The following PPP6R2 variants were observed in gnomAD, a reference collection of about 807,000 sequenced individuals.
The protein encoded by PPP6R2 is protein phosphatase 6 regulatory subunit 2.
A neutral mutation model predicts 100.2 loss-of-function variants in PPP6R2; 62 were observed. That is an observed-to-expected ratio of 0.62 (90% confidence interval 0.50 to 0.76). The LOEUF (loss-of-function observed/expected upper bound fraction) is 0.76. Among genes scored for constraint, PPP6R2 ranks in the 30% least tolerant of loss-of-function variants. PPP6R2 has a pLI of 0.00. For synonymous variants in PPP6R2, 525 were observed against 514.7 expected, an observed-to-expected ratio of 1.02 and a Z score of -0.27; for missense variants, 1,142 against 1,276.3, an observed-to-expected ratio of 0.89 and a Z score of 1.60.
intron 1 of PPP6R2, among the ~76,000 whole-genome samples, chr22:50,349,790 G>A (rs1249455991): frequency 1.3e-5 from 2 of 149,918 alleles, no homozygotes; most frequent in Admixed American, 6.7e-5. Flanking sequence ...ATTCCATTCT[G>A]GGCAACAAGA....
At chr22:50,415,072 G>A (rs2060337651) in intron 5 of PPP6R2, among the ~76,000 whole-genome samples, 3 of 152,204 alleles carry the variant, frequency 2.0e-5, no homozygotes, top group Admixed American at 6.5e-5. Flanking sequence ...GGAGAGCCCC[G>A]GTGGACAGCA....
chr22:50,374,982 C>T (rs1213594835), intron 2 of PPP6R2, among the ~76,000 whole-genome samples: 1 of 149,448 alleles, frequency 6.7e-6, no homozygotes, highest in Non-Finnish European at 1.5e-5. Flanking sequence ...TCGTATAGCA[C>T]CAAAGACAAA....
rs375005364 is a variant in PPP6R2 at position 50,432,240 on chromosome 22, G to A, written c.1336-25G>A. 6.3e-5 allele frequency: 98 copies of A among 1,546,914 alleles called. No individual in the cohort carries two copies. In the African/African-American group the frequency reaches 7.1e-4, roughly 11 times the overall value. ...GTGCCGCCTTCAGACCCTGACTCACGCTGTCCCCCTGCCCCGCCCCCCAGC... is the reference window on the plus strand; with the variant it reads ...GTGCCGCCTTCAGACCCTGACTCACACTGTCCCCCTGCCCCGCCCCCCAGC... On this transcript the variant is annotated intron_variant, in intron 11 of 23. Transcript: ENST00000612753.
Position 50,393,907 on chromosome 22 carries a change from C to T in PPP6R2, c.-2C>T, listed in dbSNP as rs768120580. On this transcript the variant is annotated 5_prime_UTR_variant, in exon 3 of 24. It adds an upstream start codon to the 5' untranslated region. Transcript: ENST00000612753. ...CTCGTTTGCAGCTCTGCGGCCGTCACGATGTTCTGGAAGTTTGACTTGAAC... is the reference window on the plus strand; with the variant it reads ...CTCGTTTGCAGCTCTGCGGCCGTCATGATGTTCTGGAAGTTTGACTTGAAC... 3.1e-6 allele frequency: 5 copies of T among 1,614,160 alleles called. No homozygotes were observed. The highest frequency in any genetic ancestry group is 4.5e-5 in the East Asian group (2 of 44,884).
the PPP6R2 span, among the ~76,000 whole-genome samples, chr22:50,337,109 A>AGT: frequency 0.061 from 8,938 of 147,504 alleles, 622 homozygotes; most frequent in African/African-American, 0.18. Flanking sequence ...TGATGAAGAG[A>AGT]GTGTGTGTGT....
intron 3 of PPP6R2, among the ~76,000 whole-genome samples, chr22:50,394,994 T>G (rs1480195559): frequency 6.6e-6 from 1 of 151,838 alleles, no homozygotes. Flanking sequence ...TTTAGGTTGG[T>G]ACACGTCAGA....
At chr22:50,343,012 G>T (rs1179903026), upstream of PPP6R2, among the ~76,000 whole-genome samples, 1 of 152,210 alleles carries the variant, frequency 6.6e-6, no homozygotes, top group African/African-American at 2.4e-5. Flanking sequence ...TCTCTCAAAT[G>T]CTGCGTCGGG....
At chr22:50,366,296 A>G (rs1426258535) in intron 1 of PPP6R2, among the ~76,000 whole-genome samples, 1 of 148,906 alleles carries the variant, frequency 6.7e-6, no homozygotes, top group Non-Finnish European at 1.5e-5. Context: ...AGCTTTGAGG[A>G]TTGTTCCCTC....
Position 50,372,131 on chromosome 22 carries a change from A to G in PPP6R2, c.-36A>G, listed in dbSNP as rs963037402. 1.3e-5 allele frequency: 2 copies of G among 152,214 alleles called. No homozygotes were observed. The highest frequency in any genetic ancestry group is 2.9e-5 in the Non-Finnish European group (2 of 68,034). The allele number at this position is 152,214 out of a possible 1,614,324, so 9.4% of individuals were successfully genotyped here. On this transcript the variant is annotated 5_prime_UTR_variant, in exon 2 of 24. Transcript: ENST00000612753. The stretch of plus-strand genomic sequence containing the variant: ...TGTTTTGCCTGAATACATGATTTAA[A>G]CAAGAGATTTCCACAGAAGGTAAGA...
At chr22:50,400,140 C>G (rs2057779970) in intron 3 of PPP6R2, among the ~76,000 whole-genome samples, 1 of 152,236 alleles carries the variant, frequency 6.6e-6, no homozygotes, top group South Asian at 2.1e-4. Context: ...GGAAGCACCC[C>G]CTGCCGCAGA....
intron 4 of PPP6R2, among the ~76,000 whole-genome samples, chr22:50,411,833 C>G (rs2059788905): frequency 1.3e-5 from 2 of 152,014 alleles, no homozygotes; most frequent in South Asian, 4.1e-4. Flanking sequence ...ATCACAAGGT[C>G]AGGAGATCGA....
At chr22:50,377,443 C>CGAT (rs1569334494) in intron 2 of PPP6R2, among the ~76,000 whole-genome samples, 13 of 135,796 alleles carry the variant, frequency 9.6e-5, no homozygotes, top group Middle Eastern at 3.5e-3. Flanking sequence ...GACCCTCTCT[C>CGAT]AATAATAATA....
intron 21 of PPP6R2, 141 bp from the exon 22 acceptor site, chr22:50,440,681 T>G: frequency 1.1e-6 from 1 of 947,184 alleles, no homozygotes; most frequent in Admixed American, 2.1e-5. Flanking sequence ...TGCCTCATCA[T>G]GCGGCTCCCA....
chr22:50,369,850 T>A lies in PPP6R2; in HGVS notation c.-147-2170T>A, dbSNP rs552204737. ...TCCTGTGCTCAAGCAGTCCTCCCAC[T>A]CAGCCTCCCAAGTATCTGGGACCAC... On this transcript the variant is annotated intron_variant, in intron 1 of 23. Transcript: ENST00000612753. Among the ~76,000 whole-genome samples, 15 of 150,270 alleles carry A rather than the reference T, an allele frequency of 1.0e-4. No homozygotes were observed. The South Asian group carries it at 3.2e-3, about 32-fold the overall frequency.
chr22:50,343,867 G>GT (rs1282530684), intron 1 of PPP6R2, among the ~76,000 whole-genome samples: 1 of 8,092 alleles, frequency 1.2e-4, no homozygotes, highest in Non-Finnish European at 1.8e-4. Flanking sequence ...CCCCCAGTCA[G>GT]TGCCCCCCAG....
At chr22:50,382,091 A>C (rs528749688) in intron 2 of PPP6R2, among the ~76,000 whole-genome samples, 2 of 152,306 alleles carry the variant, frequency 1.3e-5, no homozygotes, top group African/African-American at 4.8e-5. Context: ...GACAGGGTGC[A>C]TGCTTTTACC....
At position 50,434,951 on chromosome 22, in the gene PPP6R2, GC is replaced by G; in HGVS notation, c.1401-13del. On this transcript the variant is annotated splice_polypyrimidine_tract_variant and intron_variant, in intron 12 of 23. Transcript: ENST00000612753. ...GGGGCCAGGAGGCCGCCCCGATGGT[GC>G]CTGTTGCTTTCAGGGCAGCGGGTGG... The G allele has an allele frequency of 6.3e-7, 1 of 1,597,590 alleles. No homozygotes were observed. The highest frequency in any genetic ancestry group is 8.5e-7 in the Non-Finnish European group (1 of 1,174,690).
chr22:50,418,295 C>T (rs1409595133), intron 6 of PPP6R2, among the ~76,000 whole-genome samples: 2 of 152,048 alleles, frequency 1.3e-5, no homozygotes, highest in Non-Finnish European at 2.9e-5. Context: ...TACATTTTGA[C>T]GACAGAAAAG....
At chr22:50,385,448 C>T (rs113204210) in intron 2 of PPP6R2, among the ~76,000 whole-genome samples, 8 of 151,766 alleles carry the variant, frequency 5.3e-5, no homozygotes, top group African/African-American at 1.9e-4. Flanking sequence ...ATCCACCTGC[C>T]TTGGCTTCCC....
Sources: gnomAD v4.1 joint callset for allele counts (sites outside exome capture counted in the v4.1 genomes callset) on GRCh38, gnomAD v4.1.1 for gene constraint, MANE v1.5 for transcripts, NCBI Gene and HGNC (gene_info 2026-07-23, HGNC 2026-07-21) for gene names.